Variants in COG5 observed in about 807,000 individuals in gnomAD.
The protein encoded by COG5 is conserved oligomeric Golgi complex subunit 5.
In COG5, 86 loss-of-function variants were observed where a neutral mutation model predicts 110.4. That is an observed-to-expected ratio of 0.78 (90% CI 0.65 to 0.93). The LOEUF (loss-of-function observed/expected upper bound fraction) is 0.93, where lower values mean the gene tolerates loss of function less well. Among genes scored for constraint, COG5 ranks in the 40% least tolerant of loss-of-function variants. The pLI is 0.00. For synonymous variants in COG5, 360 were observed against 334.6 expected (o/e 1.08, Z -0.83); for missense variants, 1,077 against 987.0 (o/e 1.09, Z -1.22).
At chr7:107,334,644 G>GA (rs972275046) in intron 10 of COG5, among the ~76,000 whole-genome samples, 40 of 145,448 alleles carry the variant, frequency 2.8e-4, no homozygotes, top group African/African-American at 3.3e-4. Context: ...TTTTCAAAGT[G>GA]AAAAAAAAAA....
chr7:107,410,643 T>C (rs1331406222), intron 7 of COG5, among the ~76,000 whole-genome samples: 1 of 152,028 alleles, frequency 6.6e-6, no homozygotes, highest in Non-Finnish European at 1.5e-5. Flanking sequence ...GGTTTCTCCA[T>C]GTTGGTTAGG....
At chr7:107,499,309 T>C (rs896107375) in intron 6 of COG5, among the ~76,000 whole-genome samples, 3 of 148,966 alleles carry the variant, frequency 2.0e-5, no homozygotes, top group Non-Finnish European at 4.5e-5. Context: ...TAAGCGTACT[T>C]ACCATTCTAA....
At chr7:107,277,756 A>C (rs1315522288) in intron 14 of COG5, among the ~76,000 whole-genome samples, 1 of 152,158 alleles carries the variant, frequency 6.6e-6, no homozygotes, top group Non-Finnish European at 1.5e-5. Context: ...CTTAAAAATA[A>C]ATTCTCTGGT....
In COG5 at chr7:107,233,990, CAGT is replaced by C. The variant is rs143273592; in HGVS notation, c.2091+2457_2091+2459del. Among the ~76,000 whole-genome samples, 445 of 152,210 alleles carry C rather than the reference CAGT, an allele frequency of 2.9e-3. 3 individuals are homozygous for C. The highest frequency in any genetic ancestry group is 0.01 in the African/African-American group (420 of 41,514). Reference sequence around the variant, plus strand: ...GTGGGTGGGGGAGACCATGACATAACAGTAGAACAATATTTGCCAAAGATAATG... The same window carrying C: ...GTGGGTGGGGGAGACCATGACATAACAGAACAATATTTGCCAAAGATAATG... On this transcript the variant is annotated intron_variant, in intron 18 of 21. Coordinates refer to ENST00000297135, the MANE Select transcript of COG5 (RefSeq NM_006348.5).
At chr7:107,203,882 T>C (rs1401329698) in intron 21 of COG5, among the ~76,000 whole-genome samples, 1 of 152,200 alleles carries the variant, frequency 6.6e-6, no homozygotes, top group Non-Finnish European at 1.5e-5. Context: ...TCTAGTCATA[T>C]ACTCGGAGTC....
chr7:107,494,394 A>G (rs1798145331), intron 6 of COG5, among the ~76,000 whole-genome samples: 2 of 152,204 alleles, frequency 1.3e-5, no homozygotes, highest in African/African-American at 4.8e-5. Flanking sequence ...TTTAATTAGT[A>G]ACAGTGGTCC....
At position 107,527,464 on chromosome 7, in the gene COG5, G is replaced by A. The variant is rs1800858593; in HGVS notation, c.418-107C>T. ...GTTGATAGGTGCAGCAAACCACCAT[G>A]GCACATGTTTACCTATGTAACAAAC... is the stretch of plus-strand genomic sequence containing the variant. On this transcript the variant is annotated intron_variant, in intron 5 of 21. Transcript: ENST00000297135. The A allele has an allele frequency of 3.5e-5, 43 of 1,233,916 alleles. No homozygotes were observed. In the South Asian group the frequency reaches 5.3e-4, roughly 15 times the overall value. 76.4% of individuals were successfully genotyped at this position (1,233,916 alleles called of 1,614,324 possible).
intron 6 of COG5, among the ~76,000 whole-genome samples, chr7:107,509,420 G>A (rs10248056): frequency 0.093 from 14,204 of 152,252 alleles, 1,626 homozygotes; most frequent in African/African-American, 0.27. Flanking sequence ...GTCTACGTCT[G>A]ATTGGTGTAC....
chr7:107,420,059 A>G (rs900068087), intron 6 of COG5, among the ~76,000 whole-genome samples: 3 of 152,262 alleles, frequency 2.0e-5, no homozygotes, highest in African/African-American at 7.2e-5. Flanking sequence ...ATATATTTCA[A>G]TTAAAAGTTA....
In COG5 at chr7:107,202,590, GAAT is replaced by G. The variant is rs1798414550; in HGVS notation, c.*923_*925del. The G allele has an allele frequency of 6.6e-6, 1 of 152,412 alleles. No homozygotes were observed. The highest frequency in any genetic ancestry group is 2.4e-5 in the African/African-American group (1 of 41,392). The allele number at this position is 152,412 out of a possible 1,614,324, so 9.4% of individuals were successfully genotyped here. A position where few individuals can be genotyped will look rare whatever the true frequency, so the allele number is the denominator to read the frequency against. On this transcript the variant is annotated 3_prime_UTR_variant, in exon 22 of 22. Transcript: ENST00000297135. ...GCTGAATTTTATTTATGAGTTCTCAGAATAACAGGTTCAGGAGATGAGATGGAA... is the reference window on the plus strand; with the variant it reads ...GCTGAATTTTATTTATGAGTTCTCAGAACAGGTTCAGGAGATGAGATGGAA...
intron 15 of COG5, among the ~76,000 whole-genome samples, chr7:107,257,624 GAAT>G (rs1374988733): frequency 2.0e-5 from 3 of 152,152 alleles, no homozygotes; most frequent in South Asian, 2.1e-4. Context: ...GACCTATAGA[GAAT>G]AATTAAGCAC....
intron 12 of COG5, among the ~76,000 whole-genome samples, chr7:107,296,217 C>T (rs1434952468): frequency 6.8e-6 from 1 of 147,056 alleles, no homozygotes; most frequent in Non-Finnish European, 1.5e-5. Context: ...TTCTTTCACA[C>T]AAGGAACATA....
intron 12 of COG5, among the ~76,000 whole-genome samples, chr7:107,294,930 TACACACAC>T (rs1290144852): frequency 4.0e-5 from 4 of 100,934 alleles, no homozygotes; most frequent in Admixed American, 1.0e-4. Flanking sequence ...TGTGTATATA[TACACACAC>T]ACACACACAC....
intron 1 of COG5, among the ~76,000 whole-genome samples, chr7:107,563,104 G>A (rs1804031287): frequency 6.6e-6 from 1 of 152,186 alleles, no homozygotes; most frequent in Non-Finnish European, 1.5e-5. Flanking sequence ...TCGGGACATG[G>A]TAACTGGATT....
intron 14 of COG5, among the ~76,000 whole-genome samples, chr7:107,263,588 C>T (rs189565059): frequency 2.0e-5 from 3 of 152,222 alleles, no homozygotes; most frequent in Admixed American, 6.5e-5. Flanking sequence ...CACGTGCAGA[C>T]ACACACAAGG....
At chr7:107,206,613 A>C (rs1362184926) in intron 21 of COG5, among the ~76,000 whole-genome samples, 1 of 152,266 alleles carries the variant, frequency 6.6e-6, no homozygotes, top group African/African-American at 2.4e-5. Context: ...AGAAGTGTTT[A>C]AATTCACAGG....
chr7:107,234,242 T>G (rs1009538034), intron 18 of COG5, among the ~76,000 whole-genome samples: 5 of 152,216 alleles, frequency 3.3e-5, no homozygotes, highest in Admixed American at 6.5e-5. Flanking sequence ...TGTAAATGCT[T>G]CTTCTATGTT....
At chr7:107,215,726 C>CTT (rs113400420) in intron 19 of COG5, among the ~76,000 whole-genome samples, 10 of 146,678 alleles carry the variant, frequency 6.8e-5, no homozygotes, top group African/African-American at 1.7e-4. Context: ...CAACTCACTT[C>CTT]TTTTTTTTTT....
chr7:107,241,444 T>A (rs866647666), intron 17 of COG5, among the ~76,000 whole-genome samples: 4 of 132,744 alleles, frequency 3.0e-5, no homozygotes, highest in South Asian at 2.3e-4. Context: ...ATATATATAT[T>A]TATTTTTTAT....
Sources: gnomAD v4.1 joint callset for allele counts (sites outside exome capture counted in the v4.1 genomes callset) on GRCh38, gnomAD v4.1.1 for gene constraint, MANE v1.5 for transcripts, NCBI Gene and HGNC (gene_info 2026-07-23, HGNC 2026-07-21) for gene names.